PDIA5: variants seen among roughly 807,000 people sequenced by gnomAD.
PDIA5 encodes protein disulfide-isomerase A5.
In PDIA5, 58 loss-of-function variants were observed where a neutral mutation model predicts 77.6. That is an observed-to-expected ratio of 0.75 (90% CI 0.61 to 0.93). The LOEUF (loss-of-function observed/expected upper bound fraction) is 0.93, where lower values mean the gene tolerates loss of function less well. Among genes scored for constraint, PDIA5 ranks in the 40% least tolerant of loss-of-function variants. PDIA5 has a pLI of 0.00. For missense variants in PDIA5, 630 were observed against 647.7 expected (o/e 0.97, Z 0.30); for synonymous variants, 250 against 252.1 (o/e 0.99, Z 0.08).
At chr3:123,134,706 T>G (rs1371901454) in intron 11 of PDIA5, among the ~76,000 whole-genome samples, 8 of 152,166 alleles carry the variant, frequency 5.3e-5, no homozygotes, top group Non-Finnish European at 1.2e-4. Flanking sequence ...AAGTTGTCAC[T>G]AAATAAATGA....
chr3:123,073,739 G>C (rs1933783770), intron 1 of PDIA5, among the ~76,000 whole-genome samples: 1 of 152,214 alleles, frequency 6.6e-6, no homozygotes, highest in Non-Finnish European at 1.5e-5. Context: ...TGGCTTCAGA[G>C]TTTCCAGCTC....
chr3:123,067,250 TC>T, intron 1 of PDIA5, 44 bp downstream of exon 1: 1 of 1,228,254 alleles, frequency 8.1e-7, no homozygotes, highest in Non-Finnish European at 1.0e-6. Flanking sequence ...AGCACGTGTG[TC>T]CCGCGTGCCC....
chr3:123,113,536 G>A (rs544816391), intron 7 of PDIA5, among the ~76,000 whole-genome samples: 33 of 152,306 alleles, frequency 2.2e-4, no homozygotes, highest in Non-Finnish European at 4.4e-4. Flanking sequence ...TTGGTGGAGG[G>A]TCAGATCGGT....
chr3:123,141,941 G>C (rs1246301485), intron 11 of PDIA5, among the ~76,000 whole-genome samples: 1 of 152,126 alleles, frequency 6.6e-6, no homozygotes, highest in East Asian at 1.9e-4. Flanking sequence ...GGAGTCCGGT[G>C]GTCTCCTTTG....
chr3:123,160,671 G>T (rs1449555469), intron 15 of PDIA5, among the ~76,000 whole-genome samples: 1 of 152,264 alleles, frequency 6.6e-6, no homozygotes, highest in Non-Finnish European at 1.5e-5. Context: ...GTTGGAAGAA[G>T]TGACTGTAAT....
At chr3:123,069,962 C>T (rs757999566) in intron 1 of PDIA5, among the ~76,000 whole-genome samples, 3 of 151,732 alleles carry the variant, frequency 2.0e-5, no homozygotes, top group African/African-American at 7.3e-5. Context: ...TGGTAGCGGG[C>T]GCCTGTAGTC....
intron 1 of PDIA5, among the ~76,000 whole-genome samples, chr3:123,070,849 G>A (rs1342849036): frequency 6.6e-6 from 1 of 152,130 alleles, no homozygotes; most frequent in Admixed American, 6.5e-5. Flanking sequence ...TAGCTCAGTG[G>A]TTCTCAAGCA....
chr3:123,114,876 G>C (rs1354081261), intron 7 of PDIA5, among the ~76,000 whole-genome samples: 1 of 152,178 alleles, frequency 6.6e-6, no homozygotes, highest in Non-Finnish European at 1.5e-5. Flanking sequence ...CCCAGGGTTC[G>C]CGTACTGGGG....
At chr3:123,106,146 C>T (rs148404679) in intron 5 of PDIA5, among the ~76,000 whole-genome samples, 194 of 152,332 alleles carry the variant, frequency 1.3e-3, no homozygotes, top group African/African-American at 4.3e-3. Context: ...CACATTGGTG[C>T]CCACCCTGCC....
At chr3:123,138,641 A>T (rs936976318) in intron 11 of PDIA5, among the ~76,000 whole-genome samples, 1 of 152,228 alleles carries the variant, frequency 6.6e-6, no homozygotes, top group Non-Finnish European at 1.5e-5. Flanking sequence ...TGATGAATAG[A>T]GGCATCTGTG....
At chr3:123,140,000 G>A (rs1935587306) in intron 11 of PDIA5, among the ~76,000 whole-genome samples, 1 of 152,210 alleles carries the variant, frequency 6.6e-6, no homozygotes, top group Admixed American at 6.5e-5. Context: ...GATATTGGGA[G>A]AGGGCATGAT....
At chr3:123,089,332 G>T (rs1934228235) in intron 2 of PDIA5, 38 bp downstream of exon 2, 1 of 1,605,288 alleles carries the variant, frequency 6.2e-7, no homozygotes, top group Non-Finnish European at 8.5e-7. Flanking sequence ...CAACCATCGG[G>T]GTAGGATGGG....
chr3:123,086,321 C>T (rs769023), intron 1 of PDIA5, among the ~76,000 whole-genome samples: 14,191 of 152,154 alleles, frequency 0.093, 1,040 homozygotes, highest in East Asian at 0.28. Flanking sequence ...GTATGTCAGA[C>T]AGGAGTCACT....
chr3:123,122,626 G>A (rs1346584248), intron 8 of PDIA5, among the ~76,000 whole-genome samples: 2 of 152,200 alleles, frequency 1.3e-5, no homozygotes, highest in Admixed American at 1.3e-4. Context: ...CTGAGCTCCA[G>A]TTTTGTGCTA....
chr3:123,150,359 C>G lies in PDIA5; in HGVS notation c.1268C>G (p.Ala423Gly). The G allele has an allele frequency of 6.2e-7, 1 of 1,613,484 alleles. No individual in the cohort carries two copies. The highest frequency in any genetic ancestry group is 8.5e-7 in the Non-Finnish European group (1 of 1,179,664). ...KKKHTLVMFY[A>G]PWCPHCKKVI... Reference sequence around the variant, plus strand: ...AAACACACCTTGGTCATGTTCTACGCCCCTTGTAAGTAGCTTGGGTGCTCA... The same window carrying G: ...AAACACACCTTGGTCATGTTCTACGGCCCTTGTAAGTAGCTTGGGTGCTCA... Residue 423 changes from alanine (A) to glycine (G), a missense_variant, in exon 14 of 17, where the codon GCC becomes GGC. Coordinates refer to ENST00000316218, the MANE Select transcript of PDIA5 (RefSeq NM_006810.4).
chr3:123,124,641 A>G (rs1270591711), intron 10 of PDIA5, among the ~76,000 whole-genome samples: 2 of 152,112 alleles, frequency 1.3e-5, no homozygotes, highest in Non-Finnish European at 2.9e-5. Flanking sequence ...GGAACTGGGG[A>G]GGGGCTGCCT....
intron 11 of PDIA5, among the ~76,000 whole-genome samples, chr3:123,143,734 T>G (rs1935695067): frequency 6.6e-6 from 1 of 152,196 alleles, no homozygotes; most frequent in South Asian, 2.1e-4. Flanking sequence ...CCTCCTCTTC[T>G]TGTTGTGGAG....
At chr3:123,073,617 G>A (rs964547522) in intron 1 of PDIA5, among the ~76,000 whole-genome samples, 12 of 152,220 alleles carry the variant, frequency 7.9e-5, no homozygotes, top group Non-Finnish European at 1.8e-4. Context: ...TTGGGGGGTT[G>A]AAGACACTCA....
chr3:123,092,522 T>C, intron 3 of PDIA5, 80 bp downstream of exon 3: 3 of 990,898 alleles, frequency 3.0e-6, no homozygotes, highest in South Asian at 1.3e-5. Context: ...ACAGGAACTG[T>C]CTCTTGATTA....
Sources: gnomAD v4.1 joint callset for allele counts (sites outside exome capture counted in the v4.1 genomes callset) on GRCh38, gnomAD v4.1.1 for gene constraint, MANE v1.5 for transcripts, NCBI Gene and HGNC (gene_info 2026-07-23, HGNC 2026-07-21) for gene names.